The following TOM1 variants were observed in gnomAD, a reference collection of about 807,000 sequenced individuals.
TOM1 encodes target of myb1 membrane trafficking protein.
In TOM1, 38 loss-of-function variants were observed where a neutral mutation model predicts 61.3. The observed-to-expected ratio is 0.62, with a 90% CI of 0.48 to 0.81. The LOEUF (loss-of-function observed/expected upper bound fraction) is 0.81. Among genes scored for constraint, TOM1 ranks in the 40% least tolerant of loss-of-function variants. The pLI, the probability that TOM1 is intolerant of heterozygous loss-of-function variation, is 0.00. For missense variants in TOM1, 591 were observed against 659.6 expected, an observed-to-expected ratio of 0.90 and a Z score of 1.14; for synonymous variants, 270 against 268.8, an observed-to-expected ratio of 1.00 and a Z score of -0.04.
At chr22:35,340,390 G>A (rs542798606) in intron 12 of TOM1, among the ~76,000 whole-genome samples, 3 of 152,192 alleles carry the variant, frequency 2.0e-5, no homozygotes, top group East Asian at 1.9e-4. Flanking sequence ...GGTGGAGGCC[G>A]CGGGGAAGTC....
rs1340494738 is a variant in TOM1, at chr22:35,338,736, C to A, written c.1172C>A (p.Ala391Glu). 5 of 1,597,826 alleles carry A rather than the reference C, an allele frequency of 3.1e-6. No individual in the cohort carries two copies. The highest frequency in any genetic ancestry group is 4.3e-6 in the Non-Finnish European group (5 of 1,172,974). The change falls in exon 12 of 15, where the codon GCA (alanine) becomes GAA (glutamate). Residue 391 changes from alanine (A) to glutamate (E), a missense_variant. Coordinates refer to ENST00000449058, the MANE Select transcript of TOM1 (RefSeq NM_005488.3). ...RKEVKYEAPQ[A>E]TDGLAGALDA... The stretch of plus-strand genomic sequence containing the variant: ...AGGGTAAAATACGAAGCCCCCCAAG[C>A]AACAGACGGCCTGGCTGGAGCCCTG...
chr22:35,327,149 G>A, intron 6 of TOM1, 122 bp from the exon 7 acceptor site: 1 of 885,158 alleles, frequency 1.1e-6, no homozygotes, highest in South Asian at 1.4e-5. Context: ...GCCTAGAGAG[G>A]CTGCTGGGAG....
rs764555099 is a variant in TOM1, at chr22:35,317,971, C to T, written c.137+10C>T. ...ACGAGACGGAGGAAGGGTAAGGGCC[C>T]CCCAAGGAGAGGTTGGGGGCAGAGA... On this transcript the variant is annotated intron_variant, in intron 2 of 14. Coordinates refer to ENST00000449058, the MANE Select transcript of TOM1 (RefSeq NM_005488.3). The T allele has an allele frequency of 6.2e-7, 1 of 1,612,338 alleles. No homozygotes were observed. Among genetic ancestry groups the T allele is most frequent in the African/African-American group, 1.3e-5 (1 of 74,868 alleles).
intron 2 of TOM1, among the ~76,000 whole-genome samples, chr22:35,321,092 G>T (rs1927738381): frequency 6.6e-6 from 1 of 151,872 alleles, no homozygotes; most frequent in African/African-American, 2.4e-5. Flanking sequence ...ACTCATGCCT[G>T]TAATCACAAC....
chr22:35,331,177 C>T, intron 8 of TOM1: 1 of 377,026 alleles, frequency 2.7e-6, no homozygotes, highest in Non-Finnish European at 5.2e-6. Context: ...CTCACTGCAG[C>T]CTCAACCTCC....
intron 2 of TOM1, among the ~76,000 whole-genome samples, chr22:35,320,341 G>A (rs530801468): frequency 2.8e-4 from 43 of 152,170 alleles, no homozygotes; most frequent in Admixed American, 4.6e-4. Flanking sequence ...AGCAGTCAGG[G>A]CAGCACTGAG....
chr22:35,330,551 C>T (rs1318620445), intron 8 of TOM1, 71 bp downstream of exon 8: 2 of 1,457,208 alleles, frequency 1.4e-6, no homozygotes, highest in Non-Finnish European at 1.9e-6. Context: ...TCCCTGTTCT[C>T]CTGGTCTCAT....
intron 6 of TOM1, among the ~76,000 whole-genome samples, chr22:35,326,561 C>T (rs546380719): frequency 6.6e-6 from 1 of 152,334 alleles, no homozygotes; most frequent in Admixed American, 6.5e-5. Flanking sequence ...CTTAGATGAG[C>T]CTGGGACACC....
chr22:35,313,862 C>T (rs563700786), intron 1 of TOM1, among the ~76,000 whole-genome samples: 10 of 152,320 alleles, frequency 6.6e-5, no homozygotes, highest in Admixed American at 5.2e-4. Context: ...TTGCAGGGCC[C>T]GGTTCTGTCA....
chr22:35,317,859 C>T lies in TOM1; in HGVS notation c.53-18C>T, dbSNP rs760452243. 9 of 1,609,092 alleles carry T rather than the reference C, an allele frequency of 5.6e-6. No individual in the cohort carries two copies. The African/African-American group carries it at 1.2e-4, about 22-fold the overall frequency. ...TCAGGACCCCCTCATGACTTTATGACTCCTGGTTTCTTCTCAGAGAAAGCC... is the reference window on the plus strand; with the variant it reads ...TCAGGACCCCCTCATGACTTTATGATTCCTGGTTTCTTCTCAGAGAAAGCC... On this transcript the variant is annotated intron_variant, in intron 1 of 14. Coordinates refer to ENST00000449058, the MANE Select transcript of TOM1 (RefSeq NM_005488.3).
At chr22:35,307,954 A>G (rs1358275187) in intron 1 of TOM1, among the ~76,000 whole-genome samples, 1 of 152,242 alleles carries the variant, frequency 6.6e-6, no homozygotes. Context: ...TGAGATTAAC[A>G]TTTAAATCAC....
intron 1 of TOM1, among the ~76,000 whole-genome samples, chr22:35,308,275 C>CTT (rs138770): frequency 2.0e-4 from 26 of 129,428 alleles, no homozygotes; most frequent in African/African-American, 3.2e-4. Flanking sequence ...TTCCTTTTCT[C>CTT]TTTTTTTTTT....
chr22:35,321,486 C>T (rs1927776618), intron 2 of TOM1, among the ~76,000 whole-genome samples: 1 of 152,020 alleles, frequency 6.6e-6, no homozygotes, highest in Non-Finnish European at 1.5e-5. Context: ...GCAACCTCTG[C>T]CTCCTGGGTT....
At chr22:35,330,308 G>A (rs769273959) in intron 7 of TOM1, 39 bp from the exon 8 acceptor site, 12 of 1,578,978 alleles carry the variant, frequency 7.6e-6, no homozygotes, top group African/African-American at 1.4e-5. Flanking sequence ...CTCACTCTGA[G>A]TCATGTGACT....
At chr22:35,324,838 CCA>C (rs1438423236) in intron 6 of TOM1, among the ~76,000 whole-genome samples, 14 of 152,240 alleles carry the variant, frequency 9.2e-5, no homozygotes, top group Admixed American at 2.0e-4. Flanking sequence ...GCATGAGCCA[CCA>C]CACCCAGCCA....
At chr22:35,321,879 C>G (rs569373391) in intron 2 of TOM1, 80 bp from the exon 3 acceptor site, 2 of 1,217,410 alleles carry the variant, frequency 1.6e-6, no homozygotes, top group Non-Finnish European at 2.4e-6. Flanking sequence ...CCAATAAGAA[C>G]TGTTCCAACT....
chr22:35,334,829 A>G (rs924139258), intron 11 of TOM1, among the ~76,000 whole-genome samples: 14 of 95,716 alleles, frequency 1.5e-4, no homozygotes, highest in African/African-American at 5.1e-4. Context: ...CAGTGTCTCC[A>G]CCCCCCGCCC....
Position 35,314,138 on chromosome 22 carries a change from C to T in TOM1, c.53-3739C>T, listed in dbSNP as rs61675526. ...TCTGAAGGAAATCCACATGATTCAC[C>T]GCAATCCTGTTGTCCACACCTGGAC... On this transcript the variant is annotated intron_variant, in intron 1 of 14. Transcript: ENST00000449058. 3.8e-3 allele frequency among the ~76,000 whole-genome samples: 583 copies of T among 152,300 alleles called. 2 individuals carry two copies. Among genetic ancestry groups the T allele is most frequent in the African/African-American group, 0.013 (530 of 41,556 alleles).
In TOM1 at chr22:35,329,730, G is replaced by GT. The variant is rs200204436; in HGVS notation, c.766-608dup. Reference sequence around the variant, plus strand: ...TCAGCCAGCCCCCTTTGCAGACTCAGTTTTTTTTTGACTAAGCAAAGATGG... The same window carrying GT: ...TCAGCCAGCCCCCTTTGCAGACTCAGTTTTTTTTTTGACTAAGCAAAGATGG... On this transcript the variant is annotated intron_variant, in intron 7 of 14. Coordinates refer to ENST00000449058, the MANE Select transcript of TOM1 (RefSeq NM_005488.3). Among the ~76,000 whole-genome samples, 1,087 of 151,508 alleles carry GT rather than the reference G, an allele frequency of 7.2e-3. 17 individuals are homozygous for GT. The highest frequency in any genetic ancestry group is 0.025 in the African/African-American group (1,046 of 41,276).
Sources: gnomAD v4.1 joint callset for allele counts (sites outside exome capture counted in the v4.1 genomes callset) on GRCh38, gnomAD v4.1.1 for gene constraint, MANE v1.5 for transcripts, NCBI Gene and HGNC (gene_info 2026-07-23, HGNC 2026-07-21) for gene names.